Variants in MTUS2 observed in about 807,000 individuals in gnomAD.
MTUS2 encodes microtubule associated scaffold protein 2.
In MTUS2, 40 loss-of-function variants were observed where a neutral mutation model predicts 114.1. The ratio of observed to expected loss-of-function variants is 0.35; its 90% CI spans 0.27 to 0.46. The LOEUF is 0.46. MTUS2 is among the 20% of genes least tolerant of loss of function. MTUS2 has a pLI of 1.00. For synonymous variants in MTUS2, 688 were observed against 672.0 expected (o/e 1.02, Z -0.37); for missense variants, 1,679 against 1,705.4 (o/e 0.98, Z 0.27).
chr13:29,042,624 T>A (rs973390443), intron 4 of MTUS2, among the ~76,000 whole-genome samples: 2 of 152,068 alleles, frequency 1.3e-5, no homozygotes, highest in African/African-American at 4.8e-5. Flanking sequence ...CAATTTTTTT[T>A]ATTATCATTT....
At chr13:29,184,165 A>G (rs919005881) in intron 5 of MTUS2, among the ~76,000 whole-genome samples, 1 of 152,124 alleles carries the variant, frequency 6.6e-6, no homozygotes, top group Non-Finnish European at 1.5e-5. Flanking sequence ...TTTCGGTAAA[A>G]TTTACTGGTG....
At chr13:29,152,014 G>A (rs1304551175) in intron 5 of MTUS2, among the ~76,000 whole-genome samples, 1 of 152,008 alleles carries the variant, frequency 6.6e-6, no homozygotes, top group African/African-American at 2.4e-5. Flanking sequence ...GTCTTCGATC[G>A]ATTTTGGCAT....
intron 5 of MTUS2, among the ~76,000 whole-genome samples, chr13:29,151,911 A>G (rs1039245147): frequency 6.6e-6 from 1 of 152,076 alleles, no homozygotes; most frequent in African/African-American, 2.4e-5. Context: ...TACCTTTTTG[A>G]TGGGCTGCTG....
intron 8 of MTUS2, among the ~76,000 whole-genome samples, chr13:29,438,257 A>G (rs1877562829): frequency 6.6e-6 from 1 of 152,220 alleles, no homozygotes; most frequent in Admixed American, 6.5e-5. Flanking sequence ...TAACTCTGAA[A>G]TTCAGGGAAA....
At chr13:29,243,549 C>T (rs889703586) in intron 5 of MTUS2, among the ~76,000 whole-genome samples, 1 of 152,176 alleles carries the variant, frequency 6.6e-6, no homozygotes, top group African/African-American at 2.4e-5. Context: ...AAGGGCTACT[C>T]TTTTGAGAGA....
At chr13:29,165,655 A>G (rs1893286521) in intron 5 of MTUS2, among the ~76,000 whole-genome samples, 1 of 152,164 alleles carries the variant, frequency 6.6e-6, no homozygotes. Flanking sequence ...TTATGTTTTG[A>G]TGCAGTAGAC....
At chr13:29,266,647 A>G (rs971154035) in intron 5 of MTUS2, among the ~76,000 whole-genome samples, 4 of 152,204 alleles carry the variant, frequency 2.6e-5, no homozygotes, top group African/African-American at 9.7e-5. Flanking sequence ...TAAACTATAC[A>G]TGGCCCACCT....
At position 29,281,689 on chromosome 13, in the gene MTUS2, G is replaced by C. The variant is rs375996765; in HGVS notation, c.2645-15G>C. ...TTCATGAAGTTATAATTAACACGCT[G>C]TCTGCCTCCCACAGGTTCAACCTTT... On this transcript the variant is annotated splice_polypyrimidine_tract_variant and intron_variant, in intron 5 of 15. Transcript: ENST00000612955. 2.5e-6 allele frequency: 4 copies of C among 1,592,098 alleles called. No individual in the cohort carries two copies. The highest frequency in any genetic ancestry group is 4.6e-5 in the East Asian group (2 of 43,880).
At chr13:29,160,810 T>A (rs986292982) in intron 5 of MTUS2, among the ~76,000 whole-genome samples, 2 of 151,816 alleles carry the variant, frequency 1.3e-5, no homozygotes, top group Admixed American at 6.6e-5. Flanking sequence ...TTCAACCACG[T>A]TGGGGTTGGC....
At chr13:29,306,850 T>A in intron 6 of MTUS2, 1 of 476,528 alleles carries the variant, frequency 2.1e-6, no homozygotes. Flanking sequence ...TGCTTTTAAC[T>A]CTGCTAAAGT....
intron 5 of MTUS2, among the ~76,000 whole-genome samples, chr13:29,131,816 C>T (rs1028821083): frequency 1.3e-4 from 20 of 152,304 alleles, no homozygotes; most frequent in Admixed American, 1.2e-3. Context: ...TGGAAAACAC[C>T]AGTTTGTTCC....
chr13:29,069,171 T>C (rs1888797615), intron 4 of MTUS2, among the ~76,000 whole-genome samples: 1 of 152,072 alleles, frequency 6.6e-6, no homozygotes, highest in Admixed American at 6.6e-5. Flanking sequence ...AAATAAGAGA[T>C]TTAATGTAAA....
intron 8 of MTUS2, 147 bp from the exon 9 acceptor site, chr13:29,439,836 T>C (rs1877698265): frequency 1.4e-6 from 1 of 692,590 alleles, no homozygotes; most frequent in East Asian, 2.8e-5. Context: ...CTTTGTAAGT[T>C]TTTACATGCT....
intron 5 of MTUS2, among the ~76,000 whole-genome samples, chr13:29,144,796 A>G (rs574619741): frequency 3.6e-4 from 55 of 152,310 alleles, no homozygotes; most frequent in African/African-American, 1.3e-3. Context: ...GCCATATTCT[A>G]TTGATTATAA....
chr13:29,358,956 G>A (rs201513994), intron 7 of MTUS2, among the ~76,000 whole-genome samples: 594 of 139,316 alleles, frequency 4.3e-3, no homozygotes, highest in Middle Eastern at 7.4e-3. Context: ...TCTCCTTTAA[G>A]AAAAAAAAAA....
intron 7 of MTUS2, among the ~76,000 whole-genome samples, chr13:29,335,822 C>T (rs1292241130): frequency 6.6e-6 from 1 of 152,224 alleles, no homozygotes; most frequent in Non-Finnish European, 1.5e-5. Flanking sequence ...CTTTCAGGTA[C>T]AGTCAAACAT....
At chr13:29,306,399 A>G (rs775009502) in intron 6 of MTUS2, among the ~76,000 whole-genome samples, 2 of 152,208 alleles carry the variant, frequency 1.3e-5, no homozygotes, top group Non-Finnish European at 2.9e-5. Flanking sequence ...CCATCATCTC[A>G]GCCCAAAAGT....
chr13:29,207,761 C>G lies in MTUS2; in HGVS notation c.2645-73943C>G, dbSNP rs550505065. On this transcript the variant is annotated intron_variant, in intron 5 of 15. Coordinates refer to ENST00000612955, the MANE Select transcript of MTUS2 (RefSeq NM_001033602.4). ...CGTATATTAAACCATCCCTGCATCC[C>G]TAGTATGAATCCCACTTGATCATGG... Among the ~76,000 whole-genome samples the G allele has an allele frequency of 8.5e-5, 13 of 152,244 alleles. No individual in the cohort carries two copies. The East Asian group carries it at 1.7e-3, about 20-fold the overall frequency.
intron 2 of MTUS2, among the ~76,000 whole-genome samples, chr13:28,852,763 G>C (rs548426771): frequency 6.6e-6 from 1 of 152,224 alleles, no homozygotes; most frequent in Admixed American, 6.5e-5. Context: ...TACTCCGGAG[G>C]CTGAGGAGGG....
Sources: allele counts gnomAD v4.1 joint callset (sites outside exome capture counted in the v4.1 genomes callset), GRCh38; gene constraint gnomAD v4.1.1; transcripts MANE v1.5; gene names NCBI Gene and HGNC (gene_info 2026-07-23, HGNC 2026-07-21).